The following CADPS variants were observed in gnomAD, a reference collection of about 807,000 sequenced individuals.
CADPS encodes the protein calcium-dependent secretion activator 1.
CADPS carries 57 observed loss-of-function variants against 167.3 expected under a neutral mutation model. That is an observed-to-expected ratio of 0.34 (90% CI 0.28 to 0.42). CADPS has a LOEUF of 0.42. Ranked by LOEUF, CADPS falls within the 20% of genes least tolerant of loss-of-function variation. The pLI is 1.00. For missense variants in CADPS, 1,414 were observed against 1,738.1 expected (o/e 0.81, Z 3.32); for synonymous variants, 676 against 635.3 (o/e 1.06, Z -0.96).
chr3:62,730,820 C>G (rs1288637016), intron 3 of CADPS, among the ~76,000 whole-genome samples: 1 of 152,184 alleles, frequency 6.6e-6, no homozygotes, highest in Non-Finnish European at 1.5e-5. Context: ...GATCATGAAA[C>G]ATTTTAGTGT....
intron 3 of CADPS, among the ~76,000 whole-genome samples, chr3:62,727,949 G>C (rs939859273): frequency 6.6e-6 from 1 of 151,708 alleles, no homozygotes; most frequent in African/African-American, 2.4e-5. Context: ...CTCAATTTTG[G>C]TTCTACTTGT....
intron 6 of CADPS, among the ~76,000 whole-genome samples, chr3:62,621,222 T>C (rs1381100643): frequency 1.3e-5 from 2 of 152,182 alleles, no homozygotes; most frequent in East Asian, 1.9e-4. Context: ...GCCATTCCCA[T>C]GTCCAGAGGA....
Position 62,874,993 on chromosome 3 carries a change from C to T in CADPS, c.37G>A (p.Glu13Lys), listed in dbSNP as rs776782869. The change falls in exon 1 of 30, where the codon GAG (glutamate) becomes AAG (lysine). Residue 13 changes from glutamate (E) to lysine (K), a missense_variant. Physicochemically the swap from Glu to Lys is moderately conservative, Grantham distance 56. Coordinates refer to ENST00000383710, the MANE Select transcript of CADPS (RefSeq NM_003716.4). This position sits in a 1 kb window ranked among gnomAD's most constrained non-coding sequence, Gnocchi z 7.1. Reference protein sequence around the residue: ...DPSSSEEESDEIVEEESGKEV... With the variant: ...DPSSSEEESDKIVEEESGKEV... ...TTGCCGCTCTCCTCCTCCACGATCT[C>T]ATCCGATTCTTCTTCGCTGGACGAA... The T allele has an allele frequency of 3.8e-6, 6 of 1,596,950 alleles. No individual in the cohort carries two copies. Among genetic ancestry groups the T allele is most frequent in the Middle Eastern group, 1.7e-4 (1 of 6,018 alleles).
At position 62,805,806 on chromosome 3, in the gene CADPS, G is replaced by A. The variant is rs146419170; in HGVS notation, c.442-39822C>T. On this transcript the variant is annotated intron_variant, in intron 1 of 29. Transcript: ENST00000383710. ...ATGAGAGGCACCAGCAGGAGATCAGGGTGGGAAGAGAGAGAGGTTGGAGTA... is the reference window on the plus strand; with the variant it reads ...ATGAGAGGCACCAGCAGGAGATCAGAGTGGGAAGAGAGAGAGGTTGGAGTA... 5.0e-4 allele frequency among the ~76,000 whole-genome samples: 76 copies of A among 152,208 alleles called. No homozygotes were observed. In the East Asian group the frequency reaches 0.014, roughly 28 times the overall value.
intron 26 of CADPS, among the ~76,000 whole-genome samples, chr3:62,452,424 A>G (rs1451124384): frequency 6.6e-6 from 1 of 152,204 alleles, no homozygotes; most frequent in Non-Finnish European, 1.5e-5. Context: ...AAGGCTAGTG[A>G]CTATTTTGGA....
chr3:62,667,156 A>G (rs1330369668), intron 3 of CADPS, among the ~76,000 whole-genome samples: 1 of 149,598 alleles, frequency 6.7e-6, no homozygotes, highest in Admixed American at 6.8e-5. Context: ...CTGGCATGTT[A>G]TGAGGATTAA....
Position 62,447,143 on chromosome 3 carries a change from C to T in CADPS, c.3637-1346G>A, listed in dbSNP as rs141715772. Reference sequence around the variant, plus strand: ...CAAAAGTTCTTTCAGTGCCAGAACTCGTTGACCCTGGGGAAATCATGCCAA... The same window carrying T: ...CAAAAGTTCTTTCAGTGCCAGAACTTGTTGACCCTGGGGAAATCATGCCAA... On this transcript the variant is annotated intron_variant, in intron 26 of 29. Transcript: ENST00000383710. 5.9e-5 allele frequency among the ~76,000 whole-genome samples: 9 copies of T among 152,242 alleles called. No homozygotes were observed. In the East Asian group the frequency reaches 1.7e-3, roughly 29 times the overall value.
intron 27 of CADPS, chr3:62,440,321 A>G (rs570934262): frequency 6.6e-6 from 1 of 152,318 alleles, no homozygotes; most frequent in South Asian, 2.1e-4. Flanking sequence ...ACTTTTCTGT[A>G]AAAGAAGAGT....
intron 20 of CADPS, among the ~76,000 whole-genome samples, chr3:62,491,699 CT>C (rs1197618607): frequency 6.6e-6 from 1 of 152,120 alleles, no homozygotes; most frequent in Admixed American, 6.6e-5. Flanking sequence ...CACTTTACCC[CT>C]TGGTATTGAT....
intron 1 of CADPS, among the ~76,000 whole-genome samples, chr3:62,794,685 A>G (rs1257895559): frequency 6.6e-6 from 1 of 150,650 alleles, no homozygotes; most frequent in East Asian, 2.0e-4. Flanking sequence ...TCATTCCATC[A>G]TCTTTTTTCC....
Position 62,785,534 on chromosome 3 carries a change from G to A in CADPS, c.442-19550C>T, listed in dbSNP as rs80227478. Among the ~76,000 whole-genome samples, 5 of 152,100 alleles carry A rather than the reference G, an allele frequency of 3.3e-5. No individual in the cohort carries two copies. In the South Asian group the frequency reaches 8.3e-4, roughly 25 times the overall value. On this transcript the variant is annotated intron_variant, in intron 1 of 29. Transcript: ENST00000383710. ...CCAGTACATAATGGTGAGATCTCTG[G>A]TCATTCCCAAGACTGAAAGAATGTA...
chr3:62,792,353 A>C (rs892499282), intron 1 of CADPS, among the ~76,000 whole-genome samples: 1 of 151,538 alleles, frequency 6.6e-6, no homozygotes, highest in East Asian at 2.0e-4. Context: ...ACAGGCATGC[A>C]CCCCCATGCC....
At chr3:62,443,077 A>C (rs531022446) in intron 27 of CADPS, among the ~76,000 whole-genome samples, 8 of 152,188 alleles carry the variant, frequency 5.3e-5, no homozygotes, top group Non-Finnish European at 1.2e-4. Context: ...TACTTTTTCT[A>C]ATATGCACTA....
chr3:62,443,362 G>A (rs1242360115), intron 27 of CADPS, among the ~76,000 whole-genome samples: 1 of 152,136 alleles, frequency 6.6e-6, no homozygotes, highest in Non-Finnish European at 1.5e-5. Context: ...TATAATCAGT[G>A]GTAAATGTAC....
At chr3:62,852,511 C>A (rs552944990) in intron 1 of CADPS, among the ~76,000 whole-genome samples, 2 of 152,076 alleles carry the variant, frequency 1.3e-5, no homozygotes, top group Non-Finnish European at 2.9e-5. Flanking sequence ...TTCATAATGG[C>A]CCCATCATGA....
chr3:62,458,669 A>G lies in CADPS; in HGVS notation c.3636+6698T>C, dbSNP rs980963073. On this transcript the variant is annotated intron_variant, in intron 26 of 29. Transcript: ENST00000383710. The surrounding 1 kb of genome is among the most constrained non-coding windows in gnomAD (Gnocchi z 4.6). ...ATGCCTGGCTAATTTTTGTATTTTT[A>G]GTAGAGATGGAGTTTCACCATGTTG... Among the ~76,000 whole-genome samples, 1 of 152,048 alleles carries G rather than the reference A, an allele frequency of 6.6e-6. No homozygotes were observed. Among genetic ancestry groups the G allele is most frequent in the African/African-American group, 2.4e-5 (1 of 41,412 alleles).
Position 62,766,001 on chromosome 3 carries a change from A to G in CADPS, c.442-17T>C, listed in dbSNP as rs1410451659. ...TTTGCTGATCTGTAAGAAACAGAAAAAGAGGGAAATGTGAGAACTTGTCCT... is the reference window on the plus strand; with the variant it reads ...TTTGCTGATCTGTAAGAAACAGAAAGAGAGGGAAATGTGAGAACTTGTCCT... On this transcript the variant is annotated splice_polypyrimidine_tract_variant and intron_variant, in intron 1 of 29. Coordinates refer to ENST00000383710, the MANE Select transcript of CADPS (RefSeq NM_003716.4). The G allele has an allele frequency of 6.4e-7, 1 of 1,565,224 alleles. No individual in the cohort carries two copies. The highest frequency in any genetic ancestry group is 1.7e-5 in the Admixed American group (1 of 59,666).
intron 3 of CADPS, among the ~76,000 whole-genome samples, chr3:62,737,018 G>A (rs2079109184): frequency 2.6e-5 from 4 of 151,924 alleles, no homozygotes; most frequent in Admixed American, 2.6e-4. Flanking sequence ...ACGTGCTGTA[G>A]TCCCAGCTAC....
intron 12 of CADPS, among the ~76,000 whole-genome samples, chr3:62,533,551 T>C (rs1344162022): frequency 2.6e-5 from 4 of 152,172 alleles, no homozygotes; most frequent in Non-Finnish European, 4.4e-5. Flanking sequence ...AGAAGGTTTA[T>C]TTTAAAGACA....
Sources: gnomAD v4.1 joint callset for allele counts (sites outside exome capture counted in the v4.1 genomes callset) on GRCh38, gnomAD v4.1.1 for gene constraint, Gnocchi (gnomAD v3.1) non-coding constraint, MANE v1.5 for transcripts, NCBI Gene and HGNC (gene_info 2026-07-23, HGNC 2026-07-21) for gene names.